Variants in GRIN2A observed in about 807,000 individuals in gnomAD.
The protein encoded by GRIN2A is glutamate receptor ionotropic, NMDA 2A.
GRIN2A carries 22 observed loss-of-function variants against 113.4 expected under a neutral mutation model. The ratio of observed to expected loss-of-function variants is 0.19; its 90% CI spans 0.14 to 0.28. The LOEUF is 0.28. Among genes scored for constraint, GRIN2A ranks in the 10% least tolerant of loss-of-function variants. The pLI, the probability that GRIN2A is intolerant of heterozygous loss-of-function variation, is 1.00. For missense variants in GRIN2A, 1,502 were observed against 1,887.0 expected (o/e 0.80, Z 3.78); for synonymous variants, 827 against 738.4 (o/e 1.12, Z -1.94).
At chr16:9,808,494 G>A (rs949057979) in intron 10 of GRIN2A, among the ~76,000 whole-genome samples, 3 of 152,122 alleles carry the variant, frequency 2.0e-5, no homozygotes, top group African/African-American at 7.2e-5. Context: ...GAAAAACATC[G>A]AGATTTGTGA....
intron 2 of GRIN2A, among the ~76,000 whole-genome samples, chr16:9,992,544 C>A (rs553016224): frequency 1.3e-5 from 2 of 152,328 alleles, no homozygotes; most frequent in African/African-American, 4.8e-5. Context: ...AAATAACCCG[C>A]CTCGTTTTAG....
intron 3 of GRIN2A, among the ~76,000 whole-genome samples, chr16:9,935,473 A>T (rs1217809281): frequency 6.6e-6 from 1 of 151,000 alleles, no homozygotes; most frequent in Non-Finnish European, 1.5e-5. Context: ...CATTTTTCAG[A>T]TTTATGTTAA....
intron 2 of GRIN2A, among the ~76,000 whole-genome samples, chr16:10,050,440 A>G (rs1567262697): frequency 6.6e-6 from 1 of 152,084 alleles, no homozygotes; most frequent in Non-Finnish European, 1.5e-5. Flanking sequence ...CTCCTGTCAG[A>G]TAAGTGGCAG....
chr16:9,789,065 CCAGA>C (rs1421489075), intron 11 of GRIN2A, among the ~76,000 whole-genome samples: 1 of 152,144 alleles, frequency 6.6e-6, no homozygotes, highest in East Asian at 1.9e-4. Context: ...TTATCTGTCT[CCAGA>C]CAGTCTAGAC....
chr16:10,115,708 T>C (rs757227743), intron 2 of GRIN2A, among the ~76,000 whole-genome samples: 12 of 152,208 alleles, frequency 7.9e-5, no homozygotes, highest in Non-Finnish European at 1.6e-4. Context: ...TGAAAACATT[T>C]TGTGTGAATG....
At chr16:9,833,950 CT>C (rs557062926) in intron 8 of GRIN2A, among the ~76,000 whole-genome samples, 154 bp downstream of exon 8, 11 of 152,298 alleles carry the variant, frequency 7.2e-5, no homozygotes, top group African/African-American at 2.2e-4. Flanking sequence ...AACTCCTGAC[CT>C]CATGATCCAC....
intron 2 of GRIN2A, among the ~76,000 whole-genome samples, chr16:9,971,727 T>C (rs1471982096): frequency 6.6e-6 from 1 of 152,082 alleles, no homozygotes; most frequent in African/African-American, 2.4e-5. Flanking sequence ...CAGCAGAAGA[T>C]AGCCAGAGTT....
chr16:10,045,688 T>C (rs921092249), intron 2 of GRIN2A, among the ~76,000 whole-genome samples: 2 of 152,248 alleles, frequency 1.3e-5, no homozygotes, highest in Non-Finnish European at 2.9e-5. Context: ...AAGAGCTGTA[T>C]TTGTCTCCTA....
intron 2 of GRIN2A, among the ~76,000 whole-genome samples, chr16:10,057,652 A>T (rs544487458): frequency 6.6e-6 from 1 of 152,038 alleles, no homozygotes; most frequent in East Asian, 1.9e-4. Flanking sequence ...AAAAAAAATC[A>T]CTTCCCAAAG....
chr16:10,117,434 G>A (rs1321669454), intron 2 of GRIN2A, among the ~76,000 whole-genome samples: 1 of 152,206 alleles, frequency 6.6e-6, no homozygotes, highest in Non-Finnish European at 1.5e-5. Context: ...TGCTGAAGCT[G>A]GATGGTGAGT....
At chr16:9,846,920 G>A (rs555678053) in intron 5 of GRIN2A, among the ~76,000 whole-genome samples, 6 of 152,326 alleles carry the variant, frequency 3.9e-5, no homozygotes, top group African/African-American at 1.4e-4. Context: ...TCAGGGCCTT[G>A]GAGGTGGCCA....
intron 4 of GRIN2A, among the ~76,000 whole-genome samples, chr16:9,854,656 T>C (rs552913454): frequency 6.6e-6 from 1 of 152,250 alleles, no homozygotes; most frequent in African/African-American, 2.4e-5. Flanking sequence ...TGGACCTTTT[T>C]CCTGTTCCCA....
intron 10 of GRIN2A, among the ~76,000 whole-genome samples, chr16:9,802,340 T>C (rs1903413553): frequency 6.6e-6 from 1 of 152,110 alleles, no homozygotes; most frequent in African/African-American, 2.4e-5. Context: ...ATATACACCA[T>C]GGAATACTAT....
chr16:9,773,687 T>G (rs547148607), intron 11 of GRIN2A, among the ~76,000 whole-genome samples: 3 of 152,328 alleles, frequency 2.0e-5, no homozygotes, highest in East Asian at 1.9e-4. Context: ...CCAGTGACAG[T>G]AAGCTCATGC....
intron 2 of GRIN2A, among the ~76,000 whole-genome samples, chr16:10,042,829 G>A (rs888984837): frequency 5.3e-5 from 8 of 152,156 alleles, no homozygotes; most frequent in African/African-American, 1.9e-4. Context: ...CCACATTTGT[G>A]TCTGTATGCA....
At chr16:10,095,199 G>T (rs747230627) in intron 2 of GRIN2A, among the ~76,000 whole-genome samples, 1 of 151,988 alleles carries the variant, frequency 6.6e-6, no homozygotes, top group African/African-American at 2.4e-5. Flanking sequence ...ACCCAACCAC[G>T]CCAGCTCCCT....
chr16:10,180,106 G>A lies in GRIN2A; in HGVS notation c.306C>T (p.Asp102=), dbSNP rs200850130. 20 of 1,614,182 alleles carry A rather than the reference G, an allele frequency of 1.2e-5. No individual in the cohort carries two copies. In the African/African-American group the frequency reaches 2.0e-4, roughly 16 times the overall value. ...GARIHGLVFG[D]DTDQEAVAQM... is the part of the protein sequence containing the mutation. ...GGGCTACGGCCTCCTGGTCCGTGTC[G>A]TCCCCAAACACGAGGCCGTGGATGC... The change falls in exon 2 of 13, where the codon GAC becomes GAT. Residue 102 remains aspartate (D), a synonymous_variant. Transcript: ENST00000330684. The surrounding 1 kb of genome is among the most constrained non-coding windows in gnomAD (Gnocchi z 7.0).
At chr16:9,949,364 G>A (rs1207829759) in intron 2 of GRIN2A, among the ~76,000 whole-genome samples, 1 of 152,078 alleles carries the variant, frequency 6.6e-6, no homozygotes, top group African/African-American at 2.4e-5. Flanking sequence ...ATGGATAGAT[G>A]GATGAATGGA....
chr16:9,914,990 G>A (rs2044217587), intron 3 of GRIN2A, among the ~76,000 whole-genome samples: 1 of 129,796 alleles, frequency 7.7e-6, no homozygotes, highest in Non-Finnish European at 1.6e-5. Flanking sequence ...AGGCTGGAGT[G>A]CAGTGGCGCG....
Sources: allele counts gnomAD v4.1 joint callset (sites outside exome capture counted in the v4.1 genomes callset), GRCh38; gene constraint gnomAD v4.1.1; non-coding constraint Gnocchi (gnomAD v3.1); transcripts MANE v1.5; gene names NCBI Gene and HGNC (gene_info 2026-07-23, HGNC 2026-07-21).